The following KCNH5 variants were observed in gnomAD, a reference collection of about 807,000 sequenced individuals.
KCNH5 encodes voltage-gated delayed rectifier potassium channel KCNH5.
In KCNH5, 46 loss-of-function variants were observed where a neutral mutation model predicts 96.1. That is an observed-to-expected ratio of 0.48 (90% CI 0.38 to 0.61). The LOEUF (loss-of-function observed/expected upper bound fraction) is 0.61. Among genes scored for constraint, KCNH5 ranks in the 20% least tolerant of loss-of-function variants. The probability of loss-of-function intolerance (pLI) is 0.00; values close to 1 mark genes in which losing one functional copy is unlikely to be tolerated. For missense variants in KCNH5, 907 were observed against 1,225.8 expected (o/e 0.74, Z 3.88); for synonymous variants, 439 against 449.8 (o/e 0.98, Z 0.30).
At chr14:62,839,094 T>G (rs949219565) in intron 8 of KCNH5, among the ~76,000 whole-genome samples, 14 of 152,328 alleles carry the variant, frequency 9.2e-5, no homozygotes, top group Middle Eastern at 6.8e-3. Flanking sequence ...AATATGTGGA[T>G]GATGTAATAC....
At chr14:62,978,669 C>T (rs1890548742) in intron 6 of KCNH5, among the ~76,000 whole-genome samples, 1 of 150,974 alleles carries the variant, frequency 6.6e-6, no homozygotes, top group Admixed American at 6.6e-5. Context: ...TTGAGAGAAT[C>T]TTTTAATATA....
chr14:62,980,744 G>T (rs950006473), intron 6 of KCNH5, 128 bp downstream of exon 6: 7 of 925,336 alleles, frequency 7.6e-6, no homozygotes, highest in African/African-American at 1.7e-5. Flanking sequence ...ATAACTTTTG[G>T]CAAGGGTTTC....
intron 8 of KCNH5, among the ~76,000 whole-genome samples, chr14:62,812,408 T>C (rs1886890910): frequency 6.6e-6 from 1 of 152,156 alleles, no homozygotes; most frequent in African/African-American, 2.4e-5. Flanking sequence ...TAAGTTGTTA[T>C]ATCACATTAC....
At chr14:62,865,004 T>A (rs573758326) in intron 7 of KCNH5, among the ~76,000 whole-genome samples, 1 of 152,132 alleles carries the variant, frequency 6.6e-6, no homozygotes, top group South Asian at 2.1e-4. Flanking sequence ...AAAACAGGTG[T>A]TTACTACACC....
At position 62,773,434 on chromosome 14, in the gene KCNH5, C is replaced by T. The variant is rs1040880936; in HGVS notation, c.2019+6294G>A. On this transcript the variant is annotated intron_variant, in intron 10 of 10. Transcript: ENST00000322893. ...GCCTGTGTACTGAGAATAACCCTCT[C>T]GTAGCACTTATCTGACTCATGATCT... is the stretch of plus-strand genomic sequence containing the variant. 9.9e-5 allele frequency among the ~76,000 whole-genome samples: 15 copies of T among 152,278 alleles called. No individual in the cohort carries two copies. The South Asian group carries it at 1.9e-3, about 19-fold the overall frequency.
chr14:63,038,201 G>C (rs550262020), intron 1 of KCNH5, among the ~76,000 whole-genome samples: 2 of 152,268 alleles, frequency 1.3e-5, no homozygotes, highest in Admixed American at 1.3e-4. Context: ...CTTGGGGAAA[G>C]AATTAATTAT....
intron 8 of KCNH5, among the ~76,000 whole-genome samples, chr14:62,838,707 G>A (rs955039853): frequency 3.3e-5 from 5 of 152,140 alleles, no homozygotes; most frequent in African/African-American, 9.7e-5. Context: ...CCTTTACAGT[G>A]CAGACATAGT....
chr14:62,879,432 C>T (rs1888448501), intron 7 of KCNH5, among the ~76,000 whole-genome samples: 1 of 152,022 alleles, frequency 6.6e-6, no homozygotes, highest in Non-Finnish European at 1.5e-5. Context: ...ACATTATCTG[C>T]CACATGTTAA....
At chr14:62,868,234 C>T (rs1888175238) in intron 7 of KCNH5, among the ~76,000 whole-genome samples, 1 of 152,210 alleles carries the variant, frequency 6.6e-6, no homozygotes, top group East Asian at 1.9e-4. Context: ...TTCTTCCCAC[C>T]AGGAACTTGC....
rs1884490758 is a variant in KCNH5 at position 62,708,406 on chromosome 14, A to C, written c.2069T>G (p.Leu690Arg). 3 of 1,610,324 alleles carry C rather than the reference A, an allele frequency of 1.9e-6. No individual in the cohort carries two copies. Among genetic ancestry groups the C allele is most frequent in the African/African-American group, 1.3e-5 (1 of 74,994 alleles). ...SDVKKEEEER[L>R]RQKNEVTLSI... is the part of the protein sequence containing the mutation. Reference sequence around the variant, plus strand: ...GAGGGTCACCTCATTCTTCTGCCGGAGGCGCTCCTCCTCCTCTTTCTTCAC... The same window carrying C: ...GAGGGTCACCTCATTCTTCTGCCGGCGGCGCTCCTCCTCCTCTTTCTTCAC... The change falls in exon 11 of 11, where the codon CTC becomes CGC. Residue 690 changes from leucine (L) to arginine (R), a missense_variant. By Grantham distance (102) the Leu-to-Arg change is moderately radical. Transcript: ENST00000322893.
intron 6 of KCNH5, among the ~76,000 whole-genome samples, chr14:62,965,720 C>T (rs1046940981): frequency 3.3e-5 from 5 of 152,100 alleles, no homozygotes; most frequent in African/African-American, 4.8e-5. Flanking sequence ...AGAAATTTAA[C>T]AATTGATCTA....
At chr14:62,819,696 C>G (rs1445094873) in intron 8 of KCNH5, among the ~76,000 whole-genome samples, 2 of 152,064 alleles carry the variant, frequency 1.3e-5, no homozygotes, top group Non-Finnish European at 2.9e-5. Flanking sequence ...ATGGAGGAGG[C>G]TTCAGAGGAC....
At chr14:62,781,581 C>G (rs559274374) in intron 9 of KCNH5, among the ~76,000 whole-genome samples, 1 of 152,146 alleles carries the variant, frequency 6.6e-6, no homozygotes, top group Non-Finnish European at 1.5e-5. Flanking sequence ...CCGCCAGGTG[C>G]GCATTCTCTT....
At chr14:62,739,716 A>G (rs934828113) in intron 10 of KCNH5, among the ~76,000 whole-genome samples, 2 of 152,106 alleles carry the variant, frequency 1.3e-5, no homozygotes, top group African/African-American at 4.8e-5. Context: ...GCCCTACACA[A>G]ACATTACATG....
At chr14:62,920,660 G>A (rs950129253) in intron 7 of KCNH5, among the ~76,000 whole-genome samples, 2 of 152,102 alleles carry the variant, frequency 1.3e-5, no homozygotes, top group African/African-American at 4.8e-5. Context: ...TTTAGGGTAT[G>A]TTTGTATCAA....
rs865961852 is a variant in KCNH5, at chr14:62,853,246, C to T, written c.1370-3394G>A. 2.6e-5 allele frequency among the ~76,000 whole-genome samples: 4 copies of T among 151,986 alleles called. No individual in the cohort carries two copies. The Middle Eastern group carries it at 0.01, about 388-fold the overall frequency. On this transcript the variant is annotated intron_variant, in intron 7 of 10. Coordinates refer to ENST00000322893, the MANE Select transcript of KCNH5 (RefSeq NM_139318.5). ...AGCATCCTTGCAGTCTCTAAGAGTG[C>T]GTGTCTTTGGACCAATTACTAAACC... is the stretch of plus-strand genomic sequence containing the variant.
intron 6 of KCNH5, among the ~76,000 whole-genome samples, chr14:62,975,955 C>T (rs1046902646): frequency 6.6e-6 from 1 of 151,862 alleles, no homozygotes; most frequent in Admixed American, 6.6e-5. Context: ...CATACAAAAG[C>T]AAATTTAGCT....
chr14:62,902,680 A>G (rs953218427), intron 7 of KCNH5, among the ~76,000 whole-genome samples: 1 of 151,724 alleles, frequency 6.6e-6, no homozygotes, highest in African/African-American at 2.4e-5. Flanking sequence ...TCTTTGTATC[A>G]GTTTTATCTG....
At chr14:62,772,949 T>C (rs531941233) in intron 10 of KCNH5, among the ~76,000 whole-genome samples, 2 of 152,342 alleles carry the variant, frequency 1.3e-5, no homozygotes, top group African/African-American at 4.8e-5. Context: ...TGCTTATTGC[T>C]TGTTTTGTTT....
Sources: gnomAD v4.1 joint callset for allele counts (sites outside exome capture counted in the v4.1 genomes callset) on GRCh38, gnomAD v4.1.1 for gene constraint, MANE v1.5 for transcripts, NCBI Gene and HGNC (gene_info 2026-07-23, HGNC 2026-07-21) for gene names.